The following KAZN variants were observed in gnomAD, a reference collection of about 807,000 sequenced individuals.
KAZN encodes kazrin.
KAZN carries 40 observed loss-of-function variants against 87.4 expected under a neutral mutation model. The observed-to-expected ratio is 0.46, with a 90% CI of 0.36 to 0.60. The LOEUF is 0.60. Among genes scored for constraint, KAZN ranks in the 20% least tolerant of loss-of-function variants. KAZN has a pLI of 0.00. For synonymous variants in KAZN, 466 were observed against 458.3 expected (o/e 1.02, Z -0.22); for missense variants, 898 against 1,073.9 (o/e 0.84, Z 2.29).
intron 2 of KAZN, among the ~76,000 whole-genome samples, chr1:14,493,315 C>A (rs1036931513): frequency 6.6e-6 from 1 of 152,162 alleles, no homozygotes; most frequent in East Asian, 1.9e-4. Flanking sequence ...GCTGAAAGAA[C>A]GGAAGATGAA....
At chr1:14,987,221 A>C (rs1489462866) in intron 2 of KAZN, among the ~76,000 whole-genome samples, 3 of 152,204 alleles carry the variant, frequency 2.0e-5, no homozygotes, top group Non-Finnish European at 2.9e-5. Flanking sequence ...TGGGCCGGGC[A>C]CGGTGGCTCA....
chr1:15,057,152 G>C (rs1295723631), intron 5 of KAZN, among the ~76,000 whole-genome samples: 1 of 152,176 alleles, frequency 6.6e-6, no homozygotes, highest in Non-Finnish European at 1.5e-5. Context: ...GGTACAGATG[G>C]GGGAGTGTAG....
intron 1 of KAZN, among the ~76,000 whole-genome samples, chr1:13,927,955 A>G (rs989317040): frequency 3.3e-5 from 5 of 152,192 alleles, no homozygotes; most frequent in African/African-American, 9.7e-5. Flanking sequence ...TATGGTGGGA[A>G]CAAGCCTGGC....
At position 14,409,214 on chromosome 1, in the gene KAZN, C is replaced by A. The variant is rs555994181; in HGVS notation, c.250-189769C>A. Among the ~76,000 whole-genome samples, 27 of 152,150 alleles carry A rather than the reference C, an allele frequency of 1.8e-4. No individual in the cohort carries two copies. The South Asian group carries it at 5.2e-3, about 29-fold the overall frequency. ...TGAGCTTTCCAGAAAAAAAGTTATT[C>A]TAGGAACCAGAAACAAAAGAGGAAG... On this transcript the variant is annotated intron_variant, in intron 2 of 16. Coordinates refer to the KAZN transcript ENST00000636203.
intron 2 of KAZN, among the ~76,000 whole-genome samples, chr1:14,333,164 G>A (rs1335992086): frequency 6.6e-6 from 1 of 152,110 alleles, no homozygotes; most frequent in Non-Finnish European, 1.5e-5. Context: ...GCATTAGTTT[G>A]CTGAGGAAAA....
intron 1 of KAZN, among the ~76,000 whole-genome samples, chr1:14,922,758 C>T (rs1658666679): frequency 1.4e-5 from 2 of 147,762 alleles, no homozygotes; most frequent in African/African-American, 5.0e-5. Flanking sequence ...CACCACCGCA[C>T]TCCAGGCTGG....
At chr1:14,899,847 ACT>A (rs1396662931) in intron 1 of KAZN, among the ~76,000 whole-genome samples, 5 of 151,874 alleles carry the variant, frequency 3.3e-5, no homozygotes, top group African/African-American at 7.2e-5. Context: ...TCCCTTCGTA[ACT>A]CTGCGTTTTT....
At chr1:14,179,618 GT>G (rs1646154704) in intron 1 of KAZN, among the ~76,000 whole-genome samples, 1 of 152,188 alleles carries the variant, frequency 6.6e-6, no homozygotes, top group Admixed American at 6.5e-5. Context: ...CTTATTTGGG[GT>G]TTGAAAGGAT....
intron 1 of KAZN, among the ~76,000 whole-genome samples, chr1:14,722,236 A>G (rs537643425): frequency 6.6e-6 from 1 of 152,330 alleles, no homozygotes; most frequent in South Asian, 2.1e-4. Flanking sequence ...GTTACATTTA[A>G]GCAAATTTCC....
At chr1:14,852,917 G>A (rs1649633374) in intron 1 of KAZN, among the ~76,000 whole-genome samples, 1 of 152,182 alleles carries the variant, frequency 6.6e-6, no homozygotes, top group Admixed American at 6.5e-5. Flanking sequence ...ATCCAAATCT[G>A]TGCTTTAACC....
chr1:14,032,053 C>T (rs140860482), intron 1 of KAZN, among the ~76,000 whole-genome samples: 1 of 152,144 alleles, frequency 6.6e-6, no homozygotes, highest in South Asian at 2.1e-4. Flanking sequence ...CCTCTCTTCT[C>T]TTCCTTCCCC....
At chr1:14,152,081 T>A (rs1174651180) in intron 1 of KAZN, among the ~76,000 whole-genome samples, 1 of 152,228 alleles carries the variant, frequency 6.6e-6, no homozygotes, top group African/African-American at 2.4e-5. Flanking sequence ...ATGGGGTATG[T>A]GAGATATTTT....
intron 1 of KAZN, among the ~76,000 whole-genome samples, chr1:13,959,980 ATTCC>A: frequency 6.6e-6 from 1 of 152,248 alleles, no homozygotes; most frequent in African/African-American, 2.4e-5. Context: ...GATACAGACT[ATTCC>A]TTCTATTTTC....
intron 2 of KAZN, among the ~76,000 whole-genome samples, chr1:14,539,108 C>G (rs954296264): frequency 6.6e-6 from 1 of 152,150 alleles, no homozygotes; most frequent in African/African-American, 2.4e-5. Flanking sequence ...CTCTATTTCC[C>G]CCAAAATGAA....
intron 1 of KAZN, among the ~76,000 whole-genome samples, chr1:14,778,414 C>T (rs1286622589): frequency 1.3e-5 from 2 of 149,898 alleles, no homozygotes; most frequent in African/African-American, 4.9e-5. Context: ...AAAAAAAAAA[C>T]CCACATCCAA....
intron 2 of KAZN, among the ~76,000 whole-genome samples, chr1:14,547,641 G>T (rs1380433621): frequency 6.6e-6 from 1 of 152,148 alleles, no homozygotes; most frequent in Non-Finnish European, 1.5e-5. Flanking sequence ...GGAGTGCAGT[G>T]ATGCAGTCTC....
At chr1:14,180,397 A>C in intron 1 of KAZN, 1 of 1,536,008 alleles carries the variant, frequency 6.5e-7, no homozygotes, top group Non-Finnish European at 8.8e-7. Flanking sequence ...GAAAGTTACC[A>C]GTTGTGACTC....
At chr1:14,228,614 G>A (rs1368116579) in intron 2 of KAZN, among the ~76,000 whole-genome samples, 1 of 152,130 alleles carries the variant, frequency 6.6e-6, no homozygotes, top group Non-Finnish European at 1.5e-5. Flanking sequence ...ATGGTAAAAG[G>A]GCATGAACCT....
chr1:14,701,758 C>A (rs1160546841), intron 1 of KAZN, among the ~76,000 whole-genome samples: 1 of 152,186 alleles, frequency 6.6e-6, no homozygotes, highest in Non-Finnish European at 1.5e-5. Context: ...GATTGCGCCA[C>A]TGCATTCCAG....
Sources: allele counts gnomAD v4.1 joint callset (sites outside exome capture counted in the v4.1 genomes callset), GRCh38; gene constraint gnomAD v4.1.1; transcripts MANE v1.5; gene names NCBI Gene and HGNC (gene_info 2026-07-23, HGNC 2026-07-21).